The following ZNF782 variants were observed in gnomAD, a reference collection of about 807,000 sequenced individuals.
The protein encoded by ZNF782 is zinc finger protein 782.
A neutral mutation model predicts 13.0 loss-of-function variants in ZNF782; 12 were observed. That is an observed-to-expected ratio of 0.92 (90% CI 0.59 to 1.50). The LOEUF (loss-of-function observed/expected upper bound fraction) is 1.50. Among genes scored for constraint, ZNF782 ranks in the 40% most tolerant of loss-of-function variants. The pLI is 0.00. For synonymous variants in ZNF782, 284 were observed against 283.0 expected, an observed-to-expected ratio of 1.00 and a Z score of -0.04; for missense variants, 770 against 822.9, an observed-to-expected ratio of 0.94 and a Z score of 0.79.
rs1850214826 is a variant in ZNF782 at position 96,817,674 on chromosome 9, T to C, written c.*249A>G. 1.4e-5 allele frequency: 5 copies of C among 364,696 alleles called. No individual in the cohort carries two copies. Among genetic ancestry groups the C allele is most frequent in the South Asian group, 1.2e-4 (1 of 8,212 alleles). 22.6% of individuals were successfully genotyped at this position (364,696 alleles called of 1,614,324 possible). On this transcript the variant is annotated 3_prime_UTR_variant, in exon 6 of 6. Coordinates refer to ENST00000481138, the MANE Select transcript of ZNF782 (RefSeq NM_001001662.3). ...GCAAGAGTATTTTCCATATTCATTA[T>C]GTTTATAGGGTTTCTTTGCTGTGTG...
chr9:96,841,100 T>G (rs1326943534), intron 4 of ZNF782, among the ~76,000 whole-genome samples: 2 of 151,882 alleles, frequency 1.3e-5, no homozygotes, highest in African/African-American at 4.8e-5. Flanking sequence ...GACATCAAAA[T>G]GATAATAATG....
intron 3 of ZNF782, among the ~76,000 whole-genome samples, chr9:96,849,073 G>A (rs1035657352): frequency 2.0e-5 from 3 of 152,140 alleles, no homozygotes; most frequent in Non-Finnish European, 2.9e-5. Flanking sequence ...AAACACAAAC[G>A]GGGGAATGGA....
chr9:96,887,278 C>CA, the ZNF782 span: 4 of 98,364 alleles, frequency 4.1e-5, no homozygotes, highest in Non-Finnish European at 8.3e-5. Flanking sequence ...GACTCCATTG[C>CA]AAAAAAGAAA....
the ZNF782 span, among the ~76,000 whole-genome samples, chr9:96,930,307 G>A: frequency 1.1e-3 from 167 of 152,268 alleles, no homozygotes; most frequent in Non-Finnish European, 1.1e-3. Flanking sequence ...TGTGGATCAC[G>A]AGGTCAAGGA....
chr9:96,892,783 A>G, the ZNF782 span: 1 of 152,170 alleles, frequency 6.6e-6, no homozygotes, highest in African/African-American at 2.4e-5. Context: ...TCTAAGAAAT[A>G]TATCTGGCTT....
intron 4 of ZNF782, among the ~76,000 whole-genome samples, chr9:96,834,124 G>T (rs1343046887): frequency 6.6e-6 from 1 of 152,160 alleles, no homozygotes; most frequent in Non-Finnish European, 1.5e-5. Flanking sequence ...GTTTGGCTGT[G>T]TCCCCACCCA....
intron 1 of ZNF782, among the ~76,000 whole-genome samples, chr9:96,853,441 T>C (rs1291280768): frequency 2.6e-5 from 4 of 152,168 alleles, no homozygotes; most frequent in Non-Finnish European, 5.9e-5. Flanking sequence ...CAGAGACCCC[T>C]GCTTCCCACC....
chr9:96,851,917 TAC>T, intron 3 of ZNF782, 28 bp downstream of exon 3: 1 of 1,609,770 alleles, frequency 6.2e-7, no homozygotes, highest in Non-Finnish European at 8.5e-7. Flanking sequence ...TCCATTACAA[TAC>T]AAAGTGGGGA....
At chr9:96,888,800 A>G in the ZNF782 span, 1 of 152,282 alleles carries the variant, frequency 6.6e-6, no homozygotes, top group African/African-American at 2.4e-5. Flanking sequence ...TCAGTGGGGC[A>G]CCAAGCACAT....
At position 96,818,915 on chromosome 9, in the gene ZNF782, C is replaced by A; in HGVS notation, c.1108G>T (p.Glu370Ter). ...TTCATAGAGCAGGATTTCCCACATT[C>A]ATTATACTCATAGGGTTTTGCCCTT... The part of the protein sequence containing the change: ...HIRAKPYEYN[E>*]CGKSCSMNSH... Residue 370 changes from glutamate to a stop codon, truncating the protein, a stop_gained, in exon 6 of 6, where the codon GAA becomes TAA. Transcript: ENST00000481138. LOFTEE classifies it low-confidence loss of function (END_TRUNC). The A allele has an allele frequency of 6.2e-7, 1 of 1,614,228 alleles. No individual in the cohort carries two copies. Among genetic ancestry groups the A allele is most frequent in the Non-Finnish European group, 8.5e-7 (1 of 1,180,042 alleles).
At chr9:96,844,698 T>C (rs1851294641) in intron 4 of ZNF782, among the ~76,000 whole-genome samples, 192 bp downstream of exon 4, 1 of 152,196 alleles carries the variant, frequency 6.6e-6, no homozygotes, top group African/African-American at 2.4e-5. Context: ...TTTTCAAAAC[T>C]CATTGATTTG....
chr9:96,827,197 A>C lies in ZNF782; in HGVS notation c.143-16T>G, dbSNP rs192599039. 2.7e-4 allele frequency: 432 copies of C among 1,571,174 alleles called. No individual in the cohort carries two copies. The highest frequency in any genetic ancestry group is 5.7e-4 in the South Asian group (50 of 87,864). The stretch of plus-strand genomic sequence containing the variant: ...AAGCAGTAGCCTATAAATGGGAAAC[A>C]ATTTAGCATTTGCATTAGTTGCATA... On this transcript the variant is annotated splice_polypyrimidine_tract_variant and intron_variant, in intron 4 of 5. Transcript: ENST00000481138.
the ZNF782 span, among the ~76,000 whole-genome samples, chr9:96,915,508 G>A: frequency 6.0e-5 from 9 of 150,324 alleles, no homozygotes; most frequent in Admixed American, 4.6e-4. Context: ...GTGAAACCCC[G>A]TCTCTACTAA....
chr9:96,820,191 T>C (rs1850362596), intron 5 of ZNF782, among the ~76,000 whole-genome samples: 1 of 152,230 alleles, frequency 6.6e-6, no homozygotes, highest in South Asian at 2.1e-4. Flanking sequence ...TTAGTGGTTT[T>C]ATCTGAGACA....
At chr9:96,910,268 G>C in the ZNF782 span, 1 of 595,500 alleles carries the variant, frequency 1.7e-6, no homozygotes, top group African/African-American at 1.9e-5. Context: ...GGAAGAGGAG[G>C]AGGAAAAAGA....
the ZNF782 span, among the ~76,000 whole-genome samples, chr9:96,911,179 C>CCTGT: frequency 2.8e-4 from 40 of 145,330 alleles, no homozygotes; most frequent in East Asian, 5.1e-3. Context: ...GTGGCTCACG[C>CCTGT]CTGTAATCCC....
At chr9:96,851,826 C>T (rs1370648486) in intron 3 of ZNF782, 121 bp downstream of exon 3, 10 of 1,025,740 alleles carry the variant, frequency 9.7e-6, no homozygotes, top group Non-Finnish European at 1.5e-5. Flanking sequence ...CATGGTGAAA[C>T]TGTATATATT....
chr9:96,819,259 T>C lies in ZNF782; in HGVS notation c.764A>G (p.Lys255Arg). The change falls in exon 6 of 6, where the codon AAA becomes AGA. Residue 255 changes from lysine to arginine, a missense_variant. Transcript: ENST00000481138. ...GTTCTGAGGAATAATAAAGGTTGATTTATCATATTTGTTTTCCCCAAATTT... is the reference window on the plus strand; with the variant it reads ...GTTCTGAGGAATAATAAAGGTTGATCTATCATATTTGTTTTCCCCAAATTT... ...FNKFGENKYD[K>R]STFIIPQNMN... 6.2e-7 allele frequency: 1 copy of C among 1,613,190 alleles called. No homozygotes were observed. Among genetic ancestry groups the C allele is most frequent in the Non-Finnish European group, 8.5e-7 (1 of 1,179,796 alleles).
At chr9:96,880,069 TTTTA>T (rs1215659959), upstream of ZNF782, among the ~76,000 whole-genome samples, 2 of 151,754 alleles carry the variant, frequency 1.3e-5, no homozygotes, top group Non-Finnish European at 2.9e-5. Context: ...ACATTATGTT[TTTTA>T]TTTCAGTTTC....
Sources: allele counts gnomAD v4.1 joint callset (sites outside exome capture counted in the v4.1 genomes callset), GRCh38; gene constraint gnomAD v4.1.1; transcripts MANE v1.5; gene names NCBI Gene and HGNC (gene_info 2026-07-23, HGNC 2026-07-21).